The following PLCXD3 variants were observed in gnomAD, a reference collection of about 807,000 sequenced individuals.
PLCXD3 encodes PI-PLC X domain-containing protein 3.
A neutral mutation model predicts 25.5 loss-of-function variants in PLCXD3; 19 were observed. The ratio of observed to expected loss-of-function variants is 0.75; its 90% CI spans 0.52 to 1.09. The LOEUF (loss-of-function observed/expected upper bound fraction) is 1.09. PLCXD3 is among the 50% of genes least tolerant of loss of function. The pLI, the probability that PLCXD3 is intolerant of heterozygous loss-of-function variation, is 0.00. For missense variants in PLCXD3, 411 were observed against 388.1 expected, an observed-to-expected ratio of 1.06 and a Z score of -0.50; for synonymous variants, 174 against 137.6, an observed-to-expected ratio of 1.26 and a Z score of -1.85.
chr5:41,323,992 A>G lies in PLCXD3; in HGVS notation c.813-10222T>C, dbSNP rs147856263. Among the ~76,000 whole-genome samples, 550 of 152,272 alleles carry G rather than the reference A, an allele frequency of 3.6e-3. 3 individuals are homozygous for G. The highest frequency in any genetic ancestry group is 0.012 in the African/African-American group (513 of 41,568). On this transcript the variant is annotated intron_variant, in intron 2 of 2. Coordinates refer to ENST00000377801, the MANE Select transcript of PLCXD3 (RefSeq NM_001005473.3). Reference sequence around the variant, plus strand: ...CAAGTGGCAGGTAAGTACAGGTCTTATATGCAGGACAGAGAGCTGCTCAGA... The same window carrying G: ...CAAGTGGCAGGTAAGTACAGGTCTTGTATGCAGGACAGAGAGCTGCTCAGA...
At chr5:41,453,084 G>A (rs1747673037) in intron 1 of PLCXD3, among the ~76,000 whole-genome samples, 1 of 151,864 alleles carries the variant, frequency 6.6e-6, no homozygotes, top group Non-Finnish European at 1.5e-5. Flanking sequence ...TAGTCACCAT[G>A]TTGTACAATA....
At chr5:41,370,344 C>CT (rs5867550) in intron 2 of PLCXD3, among the ~76,000 whole-genome samples, 139,494 of 152,180 alleles carry the variant, frequency 0.92, 64,369 homozygotes, top group African/African-American at 0.96. Flanking sequence ...GCAGTATTTT[C>CT]TGTAAAATCC....
chr5:41,330,705 T>A (rs1191693342), intron 2 of PLCXD3, among the ~76,000 whole-genome samples: 2 of 152,182 alleles, frequency 1.3e-5, no homozygotes, highest in Non-Finnish European at 2.9e-5. Context: ...AATAAAATAC[T>A]GGCAAACCGA....
Position 41,396,437 on chromosome 5 carries a change from T to G in PLCXD3, c.104-13903A>C, listed in dbSNP as rs577766964. On this transcript the variant is annotated intron_variant, in intron 1 of 2. Transcript: ENST00000377801. ...TCTCAGCCATGCTTCATTTACAGCA[T>G]GTGGAACTGTGAGTCAATTAAACCT... 2.6e-5 allele frequency among the ~76,000 whole-genome samples: 4 copies of G among 152,316 alleles called. No homozygotes were observed. The South Asian group carries it at 6.2e-4, about 24-fold the overall frequency.
At chr5:41,437,880 C>G (rs546244728) in intron 1 of PLCXD3, among the ~76,000 whole-genome samples, 1 of 152,166 alleles carries the variant, frequency 6.6e-6, no homozygotes, top group Non-Finnish European at 1.5e-5. Context: ...TAACTACTGT[C>G]CATCAACATG....
At chr5:41,342,147 G>A (rs142952308) in intron 2 of PLCXD3, among the ~76,000 whole-genome samples, 1 of 152,150 alleles carries the variant, frequency 6.6e-6, no homozygotes, top group Admixed American at 6.5e-5. Context: ...GGCCTATAGG[G>A]TATCCATATA....
At chr5:41,401,911 T>A (rs1016979938) in intron 1 of PLCXD3, among the ~76,000 whole-genome samples, 2 of 152,022 alleles carry the variant, frequency 1.3e-5, no homozygotes, top group African/African-American at 2.4e-5. Context: ...ATATTCTTAT[T>A]ACACTTTTAA....
intron 1 of PLCXD3, among the ~76,000 whole-genome samples, chr5:41,401,526 G>T (rs1746185814): frequency 1.3e-5 from 2 of 152,090 alleles, no homozygotes; most frequent in Middle Eastern, 6.8e-3. Context: ...CCTAGCTCTG[G>T]AATATCTAAT....
chr5:41,373,053 A>G (rs1745174042), intron 2 of PLCXD3, among the ~76,000 whole-genome samples: 1 of 152,048 alleles, frequency 6.6e-6, no homozygotes. Context: ...AACAAAACAA[A>G]AAAACAAAAA....
chr5:41,340,810 C>G (rs1649340337), intron 2 of PLCXD3, among the ~76,000 whole-genome samples: 1 of 152,156 alleles, frequency 6.6e-6, no homozygotes. Flanking sequence ...ATTGGGAACT[C>G]ATGTCCCACT....
intron 1 of PLCXD3, among the ~76,000 whole-genome samples, chr5:41,480,371 C>T (rs1324399263): frequency 6.7e-6 from 1 of 150,148 alleles, no homozygotes; most frequent in Non-Finnish European, 1.5e-5. Context: ...ACTTGTGCAG[C>T]TCTTGTAGCT....
At chr5:41,483,861 G>T (rs987418798) in intron 1 of PLCXD3, among the ~76,000 whole-genome samples, 2 of 151,816 alleles carry the variant, frequency 1.3e-5, no homozygotes, top group African/African-American at 4.8e-5. Flanking sequence ...GCCATTTTTG[G>T]CCCTCCCCTA....
intron 2 of PLCXD3, among the ~76,000 whole-genome samples, chr5:41,338,083 A>G (rs1478155379): frequency 1.3e-5 from 2 of 152,140 alleles, no homozygotes; most frequent in Non-Finnish European, 2.9e-5. Context: ...TCTTCCTTGT[A>G]TATTTCCTCC....
At chr5:41,470,386 A>G (rs1748125403) in intron 1 of PLCXD3, among the ~76,000 whole-genome samples, 2 of 152,152 alleles carry the variant, frequency 1.3e-5, no homozygotes, top group South Asian at 4.1e-4. Flanking sequence ...TCTGAAAAAA[A>G]CATAAGGTTT....
intron 1 of PLCXD3, among the ~76,000 whole-genome samples, chr5:41,419,894 AT>A (rs1746778905): frequency 6.6e-6 from 1 of 152,204 alleles, no homozygotes; most frequent in African/African-American, 2.4e-5. Flanking sequence ...AATTATTATG[AT>A]TATGATTATT....
intron 1 of PLCXD3, among the ~76,000 whole-genome samples, chr5:41,505,235 G>A (rs1230526120): frequency 1.3e-5 from 2 of 152,014 alleles, no homozygotes; most frequent in African/African-American, 2.4e-5. Context: ...GCATGTGTGT[G>A]TGTGTGTGAA....
chr5:41,343,608 C>T (rs1050262754), intron 2 of PLCXD3, among the ~76,000 whole-genome samples: 2 of 152,060 alleles, frequency 1.3e-5, no homozygotes, highest in African/African-American at 2.4e-5. Context: ...GTGTCTACAT[C>T]TTGAACTTTG....
rs1743049429 is a variant in PLCXD3, at chr5:41,308,315, T to C, written c.*5302A>G. The C allele has an allele frequency of 6.6e-6, 1 of 152,164 alleles. No individual in the cohort carries two copies. Among genetic ancestry groups the C allele is most frequent in the African/African-American group, 2.4e-5 (1 of 41,446 alleles). 9.4% of individuals were successfully genotyped at this position (152,164 alleles called of 1,614,324 possible). A position where few individuals can be genotyped will look rare whatever the true frequency, so the allele number is the denominator to read the frequency against. ...AAGTGAAAGTATGTCTGATTAAATA[T>C]ATGAGAAATATGCTAAAGAAATACT... is the stretch of plus-strand genomic sequence containing the variant. On this transcript the variant is annotated 3_prime_UTR_variant, in exon 3 of 3. Coordinates refer to ENST00000377801, the MANE Select transcript of PLCXD3 (RefSeq NM_001005473.3).
At chr5:41,469,312 A>G (rs1748098152) in intron 1 of PLCXD3, among the ~76,000 whole-genome samples, 1 of 152,072 alleles carries the variant, frequency 6.6e-6, no homozygotes, top group Admixed American at 6.5e-5. Flanking sequence ...TTCTACATTT[A>G]TCAAGGATAT....
Sources: allele counts gnomAD v4.1 joint callset (sites outside exome capture counted in the v4.1 genomes callset), GRCh38; gene constraint gnomAD v4.1.1; transcripts MANE v1.5; gene names NCBI Gene and HGNC (gene_info 2026-07-23, HGNC 2026-07-21).